Variants in CDC42SE2 observed in about 807,000 individuals in gnomAD.
CDC42SE2 encodes the protein CDC42 small effector protein 2.
Under a neutral mutation model 11.5 loss-of-function variants are expected in CDC42SE2, and 3 were observed. The ratio of observed to expected loss-of-function variants is 0.26; its 90% CI spans 0.12 to 0.67. The LOEUF is 0.67. Among genes scored for constraint, CDC42SE2 ranks in the 30% least tolerant of loss-of-function variants. The pLI, the probability that CDC42SE2 is intolerant of heterozygous loss-of-function variation, is 0.80. For missense variants in CDC42SE2, 82 were observed against 106.8 expected (o/e 0.77, Z 1.02); for synonymous variants, 33 against 34.8 (o/e 0.95, Z 0.18).
At chr5:131,232,306 G>T in the CDC42SE2 span, among the ~76,000 whole-genome samples, 1 of 151,686 alleles carries the variant, frequency 6.6e-6, no homozygotes, top group Non-Finnish European at 1.5e-5. Flanking sequence ...TGGAGACGGG[G>T]TTTCTCCATG....
At chr5:131,353,006 G>C (rs2149764856) in intron 2 of CDC42SE2, among the ~76,000 whole-genome samples, 1 of 152,046 alleles carries the variant, frequency 6.6e-6, no homozygotes, top group South Asian at 2.1e-4. Context: ...TCACTCTGGT[G>C]CCCAGGCTTT....
intron 1 of CDC42SE2, among the ~76,000 whole-genome samples, chr5:131,247,911 G>T (rs1756609431): frequency 6.6e-6 from 1 of 151,972 alleles, no homozygotes; most frequent in South Asian, 2.1e-4. Flanking sequence ...AAAGTCTGGG[G>T]ATTACAGCCA....
At chr5:131,222,756 A>G in the CDC42SE2 span, among the ~76,000 whole-genome samples, 1 of 152,186 alleles carries the variant, frequency 6.6e-6, no homozygotes, top group Non-Finnish European at 1.5e-5. Context: ...TGGTGTGGAC[A>G]CAGAAGAGGA....
At chr5:131,302,393 G>A (rs939534780) in intron 1 of CDC42SE2, among the ~76,000 whole-genome samples, 1 of 152,152 alleles carries the variant, frequency 6.6e-6, no homozygotes, top group African/African-American at 2.4e-5. Flanking sequence ...TGGTGAGGCT[G>A]GTCACGAACT....
the CDC42SE2 span, among the ~76,000 whole-genome samples, chr5:131,236,466 G>A: frequency 2.6e-4 from 40 of 151,962 alleles, no homozygotes; most frequent in South Asian, 8.3e-4. Context: ...TTGCTCTGTC[G>A]CCCAGGCTGG....
At chr5:131,341,908 A>G (rs1171147222) in intron 2 of CDC42SE2, among the ~76,000 whole-genome samples, 4 of 151,772 alleles carry the variant, frequency 2.6e-5, no homozygotes, top group African/African-American at 9.7e-5. Context: ...TAAAAAAAAA[A>G]AAAGATAGCT....
intron 1 of CDC42SE2, among the ~76,000 whole-genome samples, chr5:131,273,048 G>A (rs918307242): frequency 1.3e-5 from 2 of 151,704 alleles, no homozygotes; most frequent in African/African-American, 4.8e-5. Flanking sequence ...AGTGTTTCAG[G>A]GACATATGTT....
intron 1 of CDC42SE2, among the ~76,000 whole-genome samples, chr5:131,305,443 A>T (rs556310287): frequency 6.6e-6 from 1 of 152,290 alleles, no homozygotes; most frequent in South Asian, 2.1e-4. Context: ...ATATAGATTG[A>T]TTAGTTAACA....
intron 1 of CDC42SE2, among the ~76,000 whole-genome samples, chr5:131,276,001 G>A (rs1757092389): frequency 6.6e-6 from 1 of 151,770 alleles, no homozygotes; most frequent in African/African-American, 2.4e-5. Context: ...AAAAATGCTT[G>A]TACATACTAA....
intron 2 of CDC42SE2, among the ~76,000 whole-genome samples, chr5:131,347,837 G>C (rs140873504): frequency 0.034 from 5,221 of 152,226 alleles, 306 homozygotes; most frequent in African/African-American, 0.12. Context: ...ATGCAAGGCT[G>C]GTTCAACATA....
At chr5:131,381,280 C>G (rs758707833) in intron 3 of CDC42SE2, among the ~76,000 whole-genome samples, 54 of 151,914 alleles carry the variant, frequency 3.6e-4, no homozygotes, top group Non-Finnish European at 4.7e-4. Context: ...CTCCCTCTCA[C>G]TGTTACCAAA....
At chr5:131,305,766 G>C (rs531592380) in intron 1 of CDC42SE2, among the ~76,000 whole-genome samples, 3 of 152,172 alleles carry the variant, frequency 2.0e-5, no homozygotes, top group African/African-American at 7.2e-5. Flanking sequence ...ATGCAGTCCT[G>C]TTTTATTTTT....
At chr5:131,351,119 G>C (rs570484776) in intron 2 of CDC42SE2, among the ~76,000 whole-genome samples, 29 of 151,760 alleles carry the variant, frequency 1.9e-4, no homozygotes, top group African/African-American at 6.5e-4. Context: ...GCTAATTTTT[G>C]TAGTTTTTGT....
intron 3 of CDC42SE2, among the ~76,000 whole-genome samples, chr5:131,377,944 T>C (rs1012726397): frequency 6.6e-6 from 1 of 152,226 alleles, no homozygotes; most frequent in Non-Finnish European, 1.5e-5. Flanking sequence ...ATTGTTTCTT[T>C]AAAAAAGCCT....
intron 1 of CDC42SE2, among the ~76,000 whole-genome samples, chr5:131,293,443 G>A (rs1487315891): frequency 6.6e-6 from 1 of 152,120 alleles, no homozygotes; most frequent in Non-Finnish European, 1.5e-5. Context: ...GTGGTGGCGG[G>A]TGCCTGTAAT....
intron 2 of CDC42SE2, among the ~76,000 whole-genome samples, chr5:131,323,819 G>T (rs2149736069): frequency 6.6e-6 from 1 of 152,022 alleles, no homozygotes; most frequent in Non-Finnish European, 1.5e-5. Context: ...TATCTTTATG[G>T]TCTTGACAGT....
chr5:131,316,920 G>A (rs377658842), intron 2 of CDC42SE2, among the ~76,000 whole-genome samples: 1 of 151,824 alleles, frequency 6.6e-6, no homozygotes, highest in Non-Finnish European at 1.5e-5. Context: ...TTTTAGTGTC[G>A]CACACATTTC....
At chr5:131,348,049 G>A (rs961380779) in intron 2 of CDC42SE2, among the ~76,000 whole-genome samples, 1 of 152,090 alleles carries the variant, frequency 6.6e-6, no homozygotes, top group Non-Finnish European at 1.5e-5. Context: ...TACTGAATGG[G>A]CAAAAACTGG....
chr5:131,289,260 T>C (rs1757401715), intron 1 of CDC42SE2, among the ~76,000 whole-genome samples: 1 of 152,204 alleles, frequency 6.6e-6, no homozygotes, highest in African/African-American at 2.4e-5. Context: ...AAATGGAGTA[T>C]GTTTTCTCAT....
Sources: allele counts gnomAD v4.1 joint callset (sites outside exome capture counted in the v4.1 genomes callset), GRCh38; gene constraint gnomAD v4.1.1; transcripts MANE v1.5; gene names NCBI Gene and HGNC (gene_info 2026-07-23, HGNC 2026-07-21).